The following BTG4 variants were observed in gnomAD, a reference collection of about 807,000 sequenced individuals.
BTG4 encodes the protein BTG anti-proliferation factor 4.
Under a neutral mutation model 19.3 loss-of-function variants are expected in BTG4, and 10 were observed. That is an observed-to-expected ratio of 0.52 (90% CI 0.32 to 0.88). BTG4 has a LOEUF of 0.88. BTG4 is among the 40% of genes least tolerant of loss of function. The probability of loss-of-function intolerance (pLI) is 0.04; values close to 1 mark genes in which losing one functional copy is unlikely to be tolerated. For synonymous variants in BTG4, 91 were observed against 95.7 expected (o/e 0.95, Z 0.29); for missense variants, 238 against 281.9 (o/e 0.84, Z 1.11).
chr11:111,401,079 A>AAAAAC, the BTG4 span: 1 of 135,942 alleles, frequency 7.4e-6, no homozygotes, highest in Non-Finnish European at 1.6e-5. Flanking sequence ...AAAAAAAAAA[A>AAAAAC]AACAGGAAAA....
chr11:111,457,336 T>A, the BTG4 span: 29,536 of 152,654 alleles, frequency 0.19, 3,123 homozygotes, highest in Admixed American at 0.27. Flanking sequence ...GGGGGGCCCA[T>A]GGAGGATCCA....
chr11:111,396,392 C>A, the BTG4 span, among the ~76,000 whole-genome samples: 2 of 152,214 alleles, frequency 1.3e-5, no homozygotes, highest in Non-Finnish European at 2.9e-5. Context: ...AGCCCCATTT[C>A]CCTTCCCAAC....
rs555615975 is a variant in BTG4 at position 111,484,831 on chromosome 11, A to C, written c.662+10332T>G. ...GGACTGAATTCTCCAATCAAAAGACATACAGTGGCTGAATGGAGTTTTTAA... is the reference window on the plus strand; with the variant it reads ...GGACTGAATTCTCCAATCAAAAGACCTACAGTGGCTGAATGGAGTTTTTAA... On this transcript the variant is annotated intron_variant, in intron 5 of 5. Coordinates refer to the BTG4 transcript ENST00000356018. 3.3e-5 allele frequency among the ~76,000 whole-genome samples: 5 copies of C among 152,310 alleles called. No individual in the cohort carries two copies. The East Asian group carries it at 7.7e-4, about 24-fold the overall frequency.
In BTG4 at chr11:111,497,283, G is replaced by GTA; in HGVS notation, c.437_438insTA (p.Cys147ThrfsTer29). The GTA allele has an allele frequency of 6.2e-7, 1 of 1,611,496 alleles. No individual in the cohort carries two copies. ...CCTTGCTACAACTTTCTTCATCGCAGGAAGTGCCAGAGGAAACGTCTGATG... is the reference window on the plus strand; with the variant it reads ...CCTTGCTACAACTTTCTTCATCGCAGTAGAAGTGCCAGAGGAAACGTCTGATG... On this transcript the variant is annotated frameshift_variant, in exon 4 of 5. Coordinates refer to ENST00000692032, the MANE Select transcript of BTG4 (RefSeq NM_001367975.1). LOFTEE classifies it high-confidence loss of function.
chr11:111,491,007 T>A (rs1270693902), downstream of BTG4, among the ~76,000 whole-genome samples: 2 of 152,218 alleles, frequency 1.3e-5, no homozygotes, highest in Admixed American at 1.3e-4. Flanking sequence ...GGCTAAACTG[T>A]GATGTATCCA....
chr11:111,503,147 CTACTTGGATGTA>C (rs1866206680), intron 1 of BTG4, among the ~76,000 whole-genome samples: 1 of 152,194 alleles, frequency 6.6e-6, no homozygotes, highest in African/African-American at 2.4e-5. Flanking sequence ...ACACAAGTGA[CTACTTGGATGTA>C]AAGTTTGGGA....
At chr11:111,395,636 A>C in the BTG4 span, among the ~76,000 whole-genome samples, 1 of 152,232 alleles carries the variant, frequency 6.6e-6, no homozygotes, top group Non-Finnish European at 1.5e-5. Context: ...TTTCAAATAA[A>C]TTATTAAGCA....
the BTG4 span, among the ~76,000 whole-genome samples, chr11:111,408,415 C>T: frequency 9.9e-5 from 15 of 152,226 alleles, no homozygotes; most frequent in South Asian, 2.1e-4. Flanking sequence ...AATGAGTGGA[C>T]GAGCAGACTC....
intron 4 of BTG4, 45 bp from the exon 5 acceptor site, chr11:111,495,359 G>A (rs1488833865): frequency 6.7e-7 from 1 of 1,496,736 alleles, no homozygotes; most frequent in East Asian, 2.3e-5. Flanking sequence ...TAGCTGTAAG[G>A]ACTAAATATG....
At chr11:111,473,320 ATCT>A (rs891072219) in intron 5 of BTG4, 4 of 152,624 alleles carry the variant, frequency 2.6e-5, no homozygotes, top group Non-Finnish European at 5.9e-5. Context: ...AAAAACAAAG[ATCT>A]TCTGCTCTTC....
intron 4 of BTG4, among the ~76,000 whole-genome samples, chr11:111,496,306 T>C (rs1035265167): frequency 2.0e-5 from 3 of 152,180 alleles, no homozygotes; most frequent in African/African-American, 7.2e-5. Flanking sequence ...AAATACAACT[T>C]TCTACATGGT....
At chr11:111,470,920 T>C (rs1003148048) in intron 5 of BTG4, among the ~76,000 whole-genome samples, 2 of 152,150 alleles carry the variant, frequency 1.3e-5, no homozygotes, top group African/African-American at 4.8e-5. Context: ...CAGAGTGAGA[T>C]CCTATCTCAA....
intron 1 of BTG4, among the ~76,000 whole-genome samples, chr11:111,508,175 C>A (rs1352565315): frequency 6.6e-6 from 1 of 152,216 alleles, no homozygotes; most frequent in Admixed American, 6.5e-5. Flanking sequence ...GTTTCCTTCA[C>A]AAAGTTTCTC....
At chr11:111,395,759 C>T in the BTG4 span, among the ~76,000 whole-genome samples, 1 of 152,246 alleles carries the variant, frequency 6.6e-6, no homozygotes, top group African/African-American at 2.4e-5. Context: ...CCCTAGCCCT[C>T]AGTCCAGGCA....
At chr11:111,387,800 G>C in the BTG4 span, among the ~76,000 whole-genome samples, 1 of 152,088 alleles carries the variant, frequency 6.6e-6, no homozygotes, top group African/African-American at 2.4e-5. Context: ...ATGGAGCTTG[G>C]GGGAAAAATA....
downstream of BTG4, among the ~76,000 whole-genome samples, chr11:111,489,954 C>T (rs1057378629): frequency 4.6e-5 from 7 of 151,806 alleles, no homozygotes; most frequent in Non-Finnish European, 8.8e-5. Context: ...TGACCATAGT[C>T]GATAAGTTAC....
the BTG4 span, chr11:111,414,677 C>T: frequency 1.1e-4 from 17 of 152,378 alleles, no homozygotes; most frequent in Non-Finnish European, 2.9e-5. Flanking sequence ...CTCAGAAGCA[C>T]ACCCCACATC....
chr11:111,424,475 T>C, the BTG4 span, among the ~76,000 whole-genome samples: 1 of 152,236 alleles, frequency 6.6e-6, no homozygotes, highest in Admixed American at 6.5e-5. Flanking sequence ...AAGATGACAG[T>C]GCTAATTTGT....
At chr11:111,458,731 A>C in the BTG4 span, among the ~76,000 whole-genome samples, 1 of 152,130 alleles carries the variant, frequency 6.6e-6, no homozygotes, top group Admixed American at 6.5e-5. Context: ...AAGGAAAGGC[A>C]AGGAGAAGTA....
Sources: allele counts gnomAD v4.1 joint callset (sites outside exome capture counted in the v4.1 genomes callset), GRCh38; gene constraint gnomAD v4.1.1; transcripts MANE v1.5; gene names NCBI Gene and HGNC (gene_info 2026-07-23, HGNC 2026-07-21).